MAGI1: variants seen among roughly 807,000 people sequenced by gnomAD.
MAGI1 encodes the protein membrane associated guanylate kinase, WW and PDZ domain containing 1.
Under a neutral mutation model 139.9 loss-of-function variants are expected in MAGI1, and 58 were observed. The observed-to-expected ratio is 0.41, with a 90% confidence interval of 0.34 to 0.52. The LOEUF (loss-of-function observed/expected upper bound fraction) is 0.52. MAGI1 is among the 20% of genes least tolerant of loss of function. MAGI1 has a pLI of 0.12. For missense variants in MAGI1, 1,874 were observed against 1,901.6 expected (o/e 0.99, Z 0.27); for synonymous variants, 812 against 737.9 (o/e 1.10, Z -1.63).
chr3:65,987,115 G>A (rs536256940), intron 1 of MAGI1, among the ~76,000 whole-genome samples: 12 of 152,192 alleles, frequency 7.9e-5, no homozygotes, highest in Admixed American at 3.9e-4. Context: ...CAAGTGATCC[G>A]CCTCGATCTC....
intron 1 of MAGI1, among the ~76,000 whole-genome samples, chr3:65,716,062 A>T (rs1203045761): frequency 6.6e-6 from 1 of 152,186 alleles, no homozygotes; most frequent in Non-Finnish European, 1.5e-5. Context: ...ATTATATTCC[A>T]AAAAAATCGT....
intron 1 of MAGI1, chr3:65,844,131 G>A (rs1215978519): frequency 1.9e-6 from 1 of 519,674 alleles, no homozygotes; most frequent in Non-Finnish European, 3.8e-6. Context: ...TGGACACTGG[G>A]TCGGTGGCCC....
chr3:65,675,293 C>A (rs539750082), intron 1 of MAGI1, among the ~76,000 whole-genome samples: 2 of 152,086 alleles, frequency 1.3e-5, no homozygotes, highest in South Asian at 2.1e-4. Context: ...AAAACAGAAC[C>A]TCCATGGCCT....
At chr3:65,458,586 T>A (rs1378883431) in intron 5 of MAGI1, among the ~76,000 whole-genome samples, 1 of 152,196 alleles carries the variant, frequency 6.6e-6, no homozygotes, top group Non-Finnish European at 1.5e-5. Context: ...TTTTCACATA[T>A]CTGTCTGCCA....
intron 5 of MAGI1, among the ~76,000 whole-genome samples, chr3:65,455,248 C>T (rs1387002004): frequency 1.3e-5 from 2 of 152,176 alleles, no homozygotes; most frequent in Admixed American, 1.3e-4. Context: ...AACTAGGATA[C>T]TGATACTGAC....
chr3:65,454,081 T>C (rs1411653072), intron 5 of MAGI1, among the ~76,000 whole-genome samples: 3 of 151,906 alleles, frequency 2.0e-5, no homozygotes, highest in Non-Finnish European at 4.4e-5. Context: ...TTCAATCATA[T>C]TAGAAATGTC....
intron 2 of MAGI1, among the ~76,000 whole-genome samples, chr3:65,595,830 TGGGGG>T (rs2082167289): frequency 5.6e-5 from 2 of 35,400 alleles, no homozygotes. Context: ...GTGGGTAGGG[TGGGGG>T]TGGGGAGTTA....
intron 1 of MAGI1, among the ~76,000 whole-genome samples, chr3:65,694,347 T>C (rs186090874): frequency 2.0e-5 from 3 of 152,302 alleles, no homozygotes; most frequent in East Asian, 1.9e-4. Flanking sequence ...GTTTAATCTA[T>C]AGGGCCAGCA....
chr3:65,819,814 T>A (rs1034594377), intron 1 of MAGI1, among the ~76,000 whole-genome samples: 2 of 129,698 alleles, frequency 1.5e-5, no homozygotes, highest in South Asian at 2.6e-4. Flanking sequence ...GAGGCAGAGG[T>A]TGTAGTGAGC....
At chr3:65,810,989 A>T (rs976397706) in intron 1 of MAGI1, among the ~76,000 whole-genome samples, 4 of 152,240 alleles carry the variant, frequency 2.6e-5, no homozygotes, top group Non-Finnish European at 5.9e-5. Context: ...GCTGATTTCT[A>T]AACAAAAGAT....
chr3:66,035,201 T>C (rs1386642703), intron 1 of MAGI1, among the ~76,000 whole-genome samples: 2 of 152,176 alleles, frequency 1.3e-5, no homozygotes, highest in African/African-American at 2.4e-5. Context: ...GGCAGATCCA[T>C]TGAGTTTGAT....
At chr3:65,902,528 G>A (rs2061274768) in intron 1 of MAGI1, 1 of 152,610 alleles carries the variant, frequency 6.6e-6, no homozygotes, top group Non-Finnish European at 1.5e-5. Flanking sequence ...AGCACCCCTG[G>A]CCCTCCTAAG....
At chr3:65,983,868 G>A (rs1477173411) in intron 1 of MAGI1, among the ~76,000 whole-genome samples, 1 of 152,202 alleles carries the variant, frequency 6.6e-6, no homozygotes, top group East Asian at 1.9e-4. Flanking sequence ...GATTATAATA[G>A]TACAGTTTAT....
At chr3:65,440,808 C>T (rs1948240058) in intron 8 of MAGI1, among the ~76,000 whole-genome samples, 2 of 149,054 alleles carry the variant, frequency 1.3e-5, no homozygotes, top group Non-Finnish European at 3.0e-5. Flanking sequence ...TATATGTATA[C>T]ATATGTATAT....
At chr3:65,659,999 T>C (rs148003663) in intron 1 of MAGI1, among the ~76,000 whole-genome samples, 15 of 152,316 alleles carry the variant, frequency 9.8e-5, no homozygotes, top group African/African-American at 2.9e-4. Flanking sequence ...GTTGGCCACA[T>C]AGAAAGCACT....
intron 1 of MAGI1, among the ~76,000 whole-genome samples, chr3:65,709,696 C>A (rs2031040641): frequency 6.6e-6 from 1 of 152,186 alleles, no homozygotes; most frequent in Non-Finnish European, 1.5e-5. Context: ...ACATTGACAC[C>A]CAATTTTGCC....
At chr3:65,695,029 C>T (rs2089026468) in intron 1 of MAGI1, among the ~76,000 whole-genome samples, 1 of 152,126 alleles carries the variant, frequency 6.6e-6, no homozygotes, top group African/African-American at 2.4e-5. Flanking sequence ...ATTAGATGGG[C>T]ATTTATTACC....
chr3:65,870,801 G>A (rs9843004), intron 1 of MAGI1, among the ~76,000 whole-genome samples: 19,899 of 151,922 alleles, frequency 0.13, 1,361 homozygotes, highest in Non-Finnish European at 0.15. Flanking sequence ...AAGATATTCA[G>A]GCCGGGCATG....
intron 11 of MAGI1, among the ~76,000 whole-genome samples, 176 bp downstream of exon 11, chr3:65,430,523 G>A (rs937230657): frequency 6.6e-5 from 10 of 152,138 alleles, no homozygotes; most frequent in African/African-American, 1.9e-4. Context: ...TGTCCCAAGG[G>A]ATGAATTTAT....
Sources: gnomAD v4.1 joint callset for allele counts (sites outside exome capture counted in the v4.1 genomes callset) on GRCh38, gnomAD v4.1.1 for gene constraint, MANE v1.5 for transcripts, NCBI Gene and HGNC (gene_info 2026-07-23, HGNC 2026-07-21) for gene names.